The following ETFDH variants were observed in gnomAD, a reference collection of about 807,000 sequenced individuals.
ETFDH encodes the protein electron transfer flavoprotein-ubiquinone oxidoreductase, mitochondrial.
A neutral mutation model predicts 73.2 loss-of-function variants in ETFDH; 61 were observed. The ratio of observed to expected loss-of-function variants is 0.83; its 90% CI spans 0.68 to 1.03. The LOEUF (loss-of-function observed/expected upper bound fraction) is 1.03, where lower values mean the gene tolerates loss of function less well. Ranked by LOEUF, ETFDH falls within the 50% of genes least tolerant of loss-of-function variation. The pLI, the probability that ETFDH is intolerant of heterozygous loss-of-function variation, is 0.00. For missense variants in ETFDH, 685 were observed against 745.0 expected (o/e 0.92, Z 0.94); for synonymous variants, 243 against 253.3 (o/e 0.96, Z 0.39).
chr4:158,675,650 C>T (rs1213114138), intron 1 of ETFDH, among the ~76,000 whole-genome samples: 1 of 151,998 alleles, frequency 6.6e-6, no homozygotes, highest in Non-Finnish European at 1.5e-5. Flanking sequence ...GCACCTGTAG[C>T]CCTAGCTACT....
intron 9 of ETFDH, among the ~76,000 whole-genome samples, chr4:158,701,847 C>T (rs1774469820): frequency 6.6e-6 from 1 of 152,218 alleles, no homozygotes; most frequent in Non-Finnish European, 1.5e-5. Context: ...ATCTATAGTT[C>T]AGTTGCCATA....
Position 158,708,559 on chromosome 4 carries a change from C to A in ETFDH, c.*32C>A. On this transcript the variant is annotated 3_prime_UTR_variant, in exon 13 of 13. Transcript: ENST00000511912. ...GCTAGCCAGTTTCTTTCAAGTATGG[C>A]AAGCTAACGTTAAAATGTTTAGAGA... 3.2e-6 allele frequency: 5 copies of A among 1,575,376 alleles called. No homozygotes were observed. The highest frequency in any genetic ancestry group is 4.4e-6 in the Non-Finnish European group (5 of 1,144,766).
intron 12 of ETFDH, among the ~76,000 whole-genome samples, chr4:158,708,134 C>G (rs1386634696): frequency 1.3e-5 from 2 of 152,106 alleles, no homozygotes; most frequent in Non-Finnish European, 2.9e-5. Context: ...GTCGAGTACC[C>G]TTGATAGTGA....
intron 4 of ETFDH, 54 bp downstream of exon 4, chr4:158,684,727 T>G (rs1156244222): frequency 7.9e-6 from 8 of 1,009,844 alleles, no homozygotes; most frequent in Non-Finnish European, 1.1e-5. Flanking sequence ...TGGAAGGAAC[T>G]ACATTTCATC....
chr4:158,682,293 G>C lies in ETFDH; in HGVS notation c.274G>C (p.Val92Leu). 1 of 1,614,214 alleles carries C rather than the reference G, an allele frequency of 6.2e-7. No individual in the cohort carries two copies. Among genetic ancestry groups the C allele is most frequent in the Non-Finnish European group, 8.5e-7 (1 of 1,180,038 alleles). ...AGCTGTTCGTCTAAAACAGTTGGCT[G>C]TGGCACATGAAAAGGACATCCGTGT... ...SAAVRLKQLA[V>L]AHEKDIRVCL... Residue 92 changes from valine to leucine, a missense_variant, in exon 3 of 13, where the codon GTG becomes CTG. Val to Leu is a conservative substitution (Grantham distance 32, BLOSUM62 1). Coordinates refer to ENST00000511912, the MANE Select transcript of ETFDH (RefSeq NM_004453.4).
chr4:158,692,399 C>CAAAAAAAAAAAAAAAAAAAAA, intron 6 of ETFDH, among the ~76,000 whole-genome samples: 1 of 91,458 alleles, frequency 1.1e-5, no homozygotes, highest in Non-Finnish European at 2.1e-5. Flanking sequence ...GACACCGTCT[C>CAAAAAAAAAAAAAAAAAAAAA]AAAAAAAAAA....
intron 3 of ETFDH, among the ~76,000 whole-genome samples, chr4:158,683,714 G>A (rs1773925006): frequency 6.6e-6 from 1 of 151,874 alleles, no homozygotes; most frequent in Admixed American, 6.6e-5. Context: ...TTAGTAGCTG[G>A]GATTACAGGC....
Position 158,672,355 on chromosome 4 carries a change from G to C in ETFDH, c.-102G>C, listed in dbSNP as rs560694708. On this transcript the variant is annotated 5_prime_UTR_variant, in exon 1 of 13. Coordinates refer to ENST00000511912, the MANE Select transcript of ETFDH (RefSeq NM_004453.4). ...AACTGCAGCAGAGTTCTTGCTTTCCGGCAGGTGATGGCGCCCCCCGCGGCC... is the reference window on the plus strand; with the variant it reads ...AACTGCAGCAGAGTTCTTGCTTTCCCGCAGGTGATGGCGCCCCCCGCGGCC... 20 of 1,200,194 alleles carry C rather than the reference G, an allele frequency of 1.7e-5. No individual in the cohort carries two copies. In the East Asian group the frequency reaches 4.4e-4, roughly 27 times the overall value. 74.3% of individuals were successfully genotyped at this position (1,200,194 alleles called of 1,614,324 possible).
intron 5 of ETFDH, among the ~76,000 whole-genome samples, chr4:158,689,633 TA>T (rs1333329373): frequency 0.075 from 8,347 of 110,742 alleles, 1,398 homozygotes; most frequent in Non-Finnish European, 0.11. Flanking sequence ...TATATATATA[TA>T]TATTGTGGGG....
chr4:158,707,892 G>C (rs567977141), intron 12 of ETFDH, among the ~76,000 whole-genome samples: 1 of 152,186 alleles, frequency 6.6e-6, no homozygotes. Flanking sequence ...GTTGGACCTC[G>C]AACTGTAGAA....
intron 1 of ETFDH, among the ~76,000 whole-genome samples, chr4:158,673,193 A>G (rs1009641308): frequency 6.6e-6 from 1 of 152,170 alleles, no homozygotes; most frequent in African/African-American, 2.4e-5. Context: ...AATCCCAGCT[A>G]CTCAGGAGGC....
intron 6 of ETFDH, 120 bp from the exon 7 acceptor site, chr4:158,695,372 TTATAA>T (rs1273009449): frequency 1.6e-6 from 1 of 644,340 alleles, no homozygotes; most frequent in Admixed American, 3.0e-5. Flanking sequence ...ATGTGATTCT[TTATAA>T]TATTATACAT....
intron 9 of ETFDH, among the ~76,000 whole-genome samples, chr4:158,700,107 A>G (rs1389463490): frequency 1.3e-5 from 2 of 152,204 alleles, no homozygotes; most frequent in Non-Finnish European, 2.9e-5. Flanking sequence ...ACTTATTATA[A>G]AAGTAACAGA....
intron 9 of ETFDH, among the ~76,000 whole-genome samples, chr4:158,702,872 G>A (rs979819634): frequency 5.3e-5 from 8 of 152,018 alleles, no homozygotes; most frequent in African/African-American, 1.9e-4. Flanking sequence ...AGTTCTATTT[G>A]TAGCTTTTTT....
intron 1 of ETFDH, among the ~76,000 whole-genome samples, chr4:158,675,090 T>G (rs1773679166): frequency 6.6e-6 from 1 of 152,230 alleles, no homozygotes; most frequent in Admixed American, 6.5e-5. Flanking sequence ...CAATATATAC[T>G]ATTTAAAATG....
chr4:158,704,201 A>T (rs936855752), intron 10 of ETFDH, among the ~76,000 whole-genome samples: 1 of 152,244 alleles, frequency 6.6e-6, no homozygotes, highest in Non-Finnish European at 1.5e-5. Flanking sequence ...AATACACACA[A>T]TTAAGATACC....
At chr4:158,674,673 G>T (rs540112086) in intron 1 of ETFDH, among the ~76,000 whole-genome samples, 6 of 152,236 alleles carry the variant, frequency 3.9e-5, no homozygotes, top group African/African-American at 1.4e-4. Flanking sequence ...ACCAAACACA[G>T]ATTTTTATTG....
At chr4:158,682,103 AC>A in intron 2 of ETFDH, 91 bp from the exon 3 acceptor site, 1 of 1,562,190 alleles carries the variant, frequency 6.4e-7, no homozygotes, top group Non-Finnish European at 8.8e-7. Context: ...CATAAATAAT[AC>A]TCTAAAGCAC....
Position 158,697,543 on chromosome 4 carries a change from CTT to C in ETFDH, c.832-4_832-3del, listed in dbSNP as rs376153836. On this transcript the variant is annotated splice_polypyrimidine_tract_variant and intron_variant, in intron 7 of 12. Transcript: ENST00000511912. Reference sequence around the variant, plus strand: ...AAATACTGCAGGACTTTTTTGTTTGCTTTTTTTTTTTTTAGTTATGGGTTATT... The same window carrying C: ...AAATACTGCAGGACTTTTTTGTTTGCTTTTTTTTTTTAGTTATGGGTTATT... The C allele has an allele frequency of 1.4e-3, 1,874 of 1,321,328 alleles. No individual in the cohort carries two copies. The highest frequency in any genetic ancestry group is 1.6e-3 in the Admixed American group (84 of 51,204). 81.9% of individuals were successfully genotyped at this position (1,321,328 alleles called of 1,614,324 possible).
Sources: allele counts gnomAD v4.1 joint callset (sites outside exome capture counted in the v4.1 genomes callset), GRCh38; gene constraint gnomAD v4.1.1; transcripts MANE v1.5; gene names NCBI Gene and HGNC (gene_info 2026-07-23, HGNC 2026-07-21).